Variants in MYO3A observed in about 807,000 individuals in gnomAD.
The protein encoded by MYO3A is myosin IIIA.
MYO3A carries 180 observed loss-of-function variants against 192.7 expected under a neutral mutation model. The observed-to-expected ratio is 0.93, with a 90% confidence interval of 0.83 to 1.06. MYO3A has a LOEUF of 1.06. Ranked by LOEUF, MYO3A falls within the 50% of genes least tolerant of loss-of-function variation. MYO3A has a pLI of 0.00. For synonymous variants in MYO3A, 628 were observed against 645.3 expected, an observed-to-expected ratio of 0.97 and a Z score of 0.41; for missense variants, 1,896 against 1,905.0, an observed-to-expected ratio of 1.00 and a Z score of 0.09.
At chr10:25,934,794 G>A (rs1307762243) in intron 1 of MYO3A, among the ~76,000 whole-genome samples, 1 of 151,612 alleles carries the variant, frequency 6.6e-6, no homozygotes, top group Non-Finnish European at 1.5e-5. Context: ...GGAACGTGAG[G>A]AATGAACTTG....
chr10:25,963,986 GA>G (rs1461493320), intron 4 of MYO3A, among the ~76,000 whole-genome samples: 4 of 152,086 alleles, frequency 2.6e-5, no homozygotes, highest in Non-Finnish European at 5.9e-5. Context: ...GGTGACCAGT[GA>G]TGTCTTGCTA....
chr10:25,984,949 A>T (rs1395391469), intron 4 of MYO3A, among the ~76,000 whole-genome samples: 2 of 152,098 alleles, frequency 1.3e-5, no homozygotes, highest in African/African-American at 4.8e-5. Context: ...TACATCAAAA[A>T]GTCTGAGGCC....
At position 25,982,342 on chromosome 10, in the gene MYO3A, C is replaced by A. The variant is rs7924249; in HGVS notation, c.304-14148C>A. ...AGCCAAAGAGGAAGGTCTTGGAAGA[C>A]AAAAACTCTTGGAAGCTCTATGGCC... is the stretch of plus-strand genomic sequence containing the variant. On this transcript the variant is annotated intron_variant, in intron 4 of 34. Transcript: ENST00000642920. Among the ~76,000 whole-genome samples the A allele has an allele frequency of 6.7e-3, 1,027 of 152,212 alleles. 16 individuals carry two copies. Among genetic ancestry groups the A allele is most frequent in the African/African-American group, 0.024 (983 of 41,520 alleles).
intron 17 of MYO3A, among the ~76,000 whole-genome samples, chr10:26,108,852 G>A (rs1564557591): frequency 6.6e-6 from 1 of 152,186 alleles, no homozygotes; most frequent in East Asian, 1.9e-4. Context: ...TACCAACTGG[G>A]TGAGGTTGGA....
chr10:26,053,627 C>A (rs1844138264), intron 10 of MYO3A, among the ~76,000 whole-genome samples: 1 of 152,110 alleles, frequency 6.6e-6, no homozygotes, highest in African/African-American at 2.4e-5. Flanking sequence ...AGTTCGAGAC[C>A]AGTCTGGCCA....
intron 4 of MYO3A, 149 bp downstream of exon 4, chr10:25,955,157 G>A: frequency 8.9e-7 from 1 of 1,127,244 alleles, no homozygotes; most frequent in South Asian, 1.3e-5. Context: ...TTTTGGCCTT[G>A]CCTTCTTAAG....
intron 4 of MYO3A, among the ~76,000 whole-genome samples, chr10:25,957,937 G>A (rs117849160): frequency 0.01 from 1,563 of 152,144 alleles, 16 homozygotes; most frequent in Non-Finnish European, 0.016. Context: ...TAATGAGGTT[G>A]TTTGTTTTTT....
chr10:26,138,483 C>T (rs1839975180), intron 20 of MYO3A, among the ~76,000 whole-genome samples: 1 of 152,148 alleles, frequency 6.6e-6, no homozygotes, highest in African/African-American at 2.4e-5. Flanking sequence ...CACTTGAAGA[C>T]TGTAGCTTGT....
At position 26,184,464 on chromosome 10, in the gene MYO3A, CAT is replaced by C. The variant is rs776115373; in HGVS notation, c.4438+7620_4438+7621del. Among the ~76,000 whole-genome samples, 170 of 152,260 alleles carry C rather than the reference CAT, an allele frequency of 1.1e-3. 1 individual carries two copies. The highest frequency in any genetic ancestry group is 1.6e-3 in the Non-Finnish European group (108 of 68,000). Reference sequence around the variant, plus strand: ...CTGTTCTGCTAATATTTGATTTAGACATGTGATATTTCTGCAAATTATACTCT... The same window carrying C: ...CTGTTCTGCTAATATTTGATTTAGACGTGATATTTCTGCAAATTATACTCT... On this transcript the variant is annotated intron_variant, in intron 31 of 34. Transcript: ENST00000642920.
intron 4 of MYO3A, among the ~76,000 whole-genome samples, chr10:25,958,516 G>T (rs1361630327): frequency 6.6e-6 from 1 of 152,008 alleles, no homozygotes; most frequent in Non-Finnish European, 1.5e-5. Context: ...GTTTGAAGTT[G>T]GGTAGTGTAA....
chr10:25,991,815 G>C (rs1285037910), intron 4 of MYO3A, among the ~76,000 whole-genome samples: 1 of 152,074 alleles, frequency 6.6e-6, no homozygotes, highest in East Asian at 1.9e-4. Flanking sequence ...TCAAAGATCA[G>C]ATAGTTGTAG....
chr10:26,062,515 CAA>C (rs573334201), intron 10 of MYO3A, among the ~76,000 whole-genome samples: 780 of 42,218 alleles, frequency 0.018, 28 homozygotes, highest in African/African-American at 0.041. Flanking sequence ...GATGCCATCT[CAA>C]AAAAAAAAAA....
chr10:25,952,279 GTAAGTCA>G lies in MYO3A; in HGVS notation c.168+4_168+10del, dbSNP rs767667544. 28 of 1,611,346 alleles carry G rather than the reference GTAAGTCA, an allele frequency of 1.7e-5. No individual in the cohort carries two copies. Among genetic ancestry groups the G allele is most frequent in the Non-Finnish European group, 2.4e-5 (28 of 1,178,506 alleles). Reference sequence around the variant, plus strand: ...AGTCAAAATTCTTGATCCAATTCACGTAAGTCATATTTTTTCCTTCTAATTAGCTTTA... The same window carrying G: ...AGTCAAAATTCTTGATCCAATTCACGTATTTTTTCCTTCTAATTAGCTTTA... On this transcript the variant is annotated splice_donor_variant and splice_donor_5th_base_variant and intron_variant, in intron 3 of 34. Coordinates refer to ENST00000642920, the MANE Select transcript of MYO3A (RefSeq NM_017433.5). LOFTEE classifies it high-confidence loss of function.
chr10:26,167,345 C>G (rs188735082), intron 27 of MYO3A, among the ~76,000 whole-genome samples: 4 of 151,992 alleles, frequency 2.6e-5, no homozygotes, highest in African/African-American at 7.2e-5. Flanking sequence ...ATTCAGTAAT[C>G]CATATTTACT....
rs1177022036 is a variant in MYO3A at position 26,173,689 on chromosome 10, A to C, written c.3425A>C (p.Glu1142Ala). ...GAATCTTTCGTGAAGAAACAAGCAG[A>C]AAATGCAATCTCTGCTAATGAAAGA... is the stretch of plus-strand genomic sequence containing the variant. ...TRESFVKKQA[E>A]NAISANERFI... The change falls in exon 30 of 35, where the codon GAA becomes GCA. Residue 1142 changes from glutamate to alanine, a missense_variant. Coordinates refer to ENST00000642920, the MANE Select transcript of MYO3A (RefSeq NM_017433.5). The C allele has an allele frequency of 6.2e-7, 1 of 1,613,822 alleles. No homozygotes were observed. The highest frequency in any genetic ancestry group is 1.7e-5 in the Admixed American group (1 of 60,004).
intron 26 of MYO3A, among the ~76,000 whole-genome samples, chr10:26,158,207 A>G (rs544322862): frequency 2.0e-5 from 3 of 152,108 alleles, no homozygotes; most frequent in African/African-American, 7.2e-5. Context: ...AAAAGCTAAC[A>G]TAAATTTTTT....
At chr10:25,953,635 T>G (rs1005829547) in intron 3 of MYO3A, among the ~76,000 whole-genome samples, 1 of 152,132 alleles carries the variant, frequency 6.6e-6, no homozygotes, top group African/African-American at 2.4e-5. Flanking sequence ...ATAGTGTATC[T>G]CTTTCTCTTC....
intron 20 of MYO3A, among the ~76,000 whole-genome samples, chr10:26,130,586 G>A (rs1458897979): frequency 6.6e-6 from 1 of 152,088 alleles, no homozygotes; most frequent in Non-Finnish European, 1.5e-5. Context: ...CATTCAACTA[G>A]AATCCAGGAT....
At chr10:26,041,614 C>T (rs1443037982) in intron 10 of MYO3A, among the ~76,000 whole-genome samples, 2 of 151,928 alleles carry the variant, frequency 1.3e-5, no homozygotes, top group African/African-American at 2.4e-5. Flanking sequence ...TTTGAGGCCA[C>T]CACAAGGCTT....
Sources: allele counts gnomAD v4.1 joint callset (sites outside exome capture counted in the v4.1 genomes callset), GRCh38; gene constraint gnomAD v4.1.1; transcripts MANE v1.5; gene names NCBI Gene and HGNC (gene_info 2026-07-23, HGNC 2026-07-21).